U2SURP: variants seen among roughly 807,000 people sequenced by gnomAD.
U2SURP encodes the protein U2 snRNP-associated SURP motif-containing protein.
A neutral mutation model predicts 144.9 loss-of-function variants in U2SURP; 9 were observed. The ratio of observed to expected loss-of-function variants is 0.06; its 90% CI spans 0.04 to 0.11. The LOEUF (loss-of-function observed/expected upper bound fraction) is 0.11. Among genes scored for constraint, U2SURP ranks in the 10% least tolerant of loss-of-function variants. U2SURP has a pLI of 1.00. For missense variants in U2SURP, 724 were observed against 1,226.7 expected, an observed-to-expected ratio of 0.59 and a Z score of 6.12; for synonymous variants, 408 against 396.8, an observed-to-expected ratio of 1.03 and a Z score of -0.33.
intron 27 of U2SURP, among the ~76,000 whole-genome samples, chr3:143,055,992 G>A (rs1299507714): frequency 6.6e-6 from 1 of 152,120 alleles, no homozygotes; most frequent in Non-Finnish European, 1.5e-5. Context: ...GGGGTTATCA[G>A]TCACTTATGG....
At chr3:143,023,713 A>G (rs1035982407) in intron 12 of U2SURP, among the ~76,000 whole-genome samples, 7 of 152,218 alleles carry the variant, frequency 4.6e-5, no homozygotes, top group African/African-American at 1.7e-4. Flanking sequence ...TTCTCAGTGT[A>G]GTACCTATTT....
At chr3:143,020,881 A>G (rs982877822) in intron 8 of U2SURP, among the ~76,000 whole-genome samples, 188 bp downstream of exon 8, 2 of 151,820 alleles carry the variant, frequency 1.3e-5, no homozygotes, top group African/African-American at 2.4e-5. Context: ...TAAGAGATTA[A>G]CAACAATAAG....
At position 143,004,132 on chromosome 3, in the gene U2SURP, T is replaced by G. The variant is rs200107232; in HGVS notation, c.45+2459T>G. 2.1e-4 allele frequency among the ~76,000 whole-genome samples: 32 copies of G among 152,344 alleles called. No homozygotes were observed. The East Asian group carries it at 5.0e-3, about 24-fold the overall frequency. ...CCTCTGGAAAGAACAGATGAGTGGC[T>G]TATATTTTACAATACAGATGGAGTG... On this transcript the variant is annotated intron_variant, in intron 1 of 27. Transcript: ENST00000473835.
chr3:143,004,044 C>T (rs971102279), intron 1 of U2SURP, among the ~76,000 whole-genome samples: 1 of 152,090 alleles, frequency 6.6e-6, no homozygotes, highest in African/African-American at 2.4e-5. Flanking sequence ...ATTGTAAGAT[C>T]ATTTTGGCTA....
chr3:143,012,009 A>G (rs78584924), intron 2 of U2SURP: 11,052 of 674,110 alleles, frequency 0.016, 477 homozygotes, highest in African/African-American at 0.12. Context: ...TGTTACCAAT[A>G]TAAAATTCAA....
chr3:143,005,811 G>A (rs968608536), intron 1 of U2SURP, among the ~76,000 whole-genome samples: 5 of 150,956 alleles, frequency 3.3e-5, no homozygotes, highest in Admixed American at 2.6e-4. Flanking sequence ...TTAGTATGCC[G>A]GTTGAAGTAT....
At chr3:143,050,902 A>T (rs752628425) in intron 24 of U2SURP, 37 bp from the exon 25 acceptor site, 28 of 1,390,334 alleles carry the variant, frequency 2.0e-5, no homozygotes, top group Non-Finnish European at 2.7e-5. Context: ...ATCTAGAATG[A>T]TGAAAATGCT....
intron 23 of U2SURP, among the ~76,000 whole-genome samples, chr3:143,040,990 C>G (rs1036741052): frequency 6.6e-6 from 1 of 151,604 alleles, no homozygotes; most frequent in Admixed American, 6.6e-5. Context: ...TTTACCTGTT[C>G]TGTATTCATC....
At chr3:143,012,032 G>A (rs1264576268) in intron 2 of U2SURP, 190 bp from the exon 3 acceptor site, 3 of 720,510 alleles carry the variant, frequency 4.2e-6, no homozygotes, top group Non-Finnish European at 7.4e-6. Context: ...TTGTGAGTTA[G>A]AGTTATTGAA....
At position 143,021,678 on chromosome 3, in the gene U2SURP, G is replaced by A. The variant is rs920304099; in HGVS notation, c.852+123G>A. On this transcript the variant is annotated intron_variant, in intron 10 of 27. Coordinates refer to ENST00000473835, the MANE Select transcript of U2SURP (RefSeq NM_001080415.2). ...CTGATGGAATTGGATAGTCTTTAGA[G>A]TTGTCTTACTGGTATGGCCCAGGTT... 5.3e-6 allele frequency: 5 copies of A among 949,244 alleles called. No homozygotes were observed. In the Admixed American group the frequency reaches 1.3e-4, roughly 24 times the overall value. 58.8% of individuals were successfully genotyped at this position (949,244 alleles called of 1,614,324 possible).
At chr3:143,053,877 C>G in intron 26 of U2SURP, 83 bp downstream of exon 26, 1 of 1,129,510 alleles carries the variant, frequency 8.9e-7, no homozygotes, top group African/African-American at 1.6e-5. Context: ...CATTGATGCC[C>G]GCAAACTGGA....
intron 17 of U2SURP, 94 bp from the exon 18 acceptor site, chr3:143,033,177 T>C: frequency 1.2e-6 from 1 of 864,414 alleles, no homozygotes; most frequent in Non-Finnish European, 1.8e-6. Context: ...GATACTGAGC[T>C]TCATATAACT....
intron 6 of U2SURP, among the ~76,000 whole-genome samples, chr3:143,019,157 A>C (rs185024346): frequency 1.2e-4 from 18 of 152,228 alleles, no homozygotes; most frequent in African/African-American, 4.1e-4. Context: ...GTTGAATCGT[A>C]AGAGTATTTT....
Position 143,012,265 on chromosome 3 carries a change from C to T in U2SURP, c.134C>T (p.Thr45Ile). Residue 45 changes from threonine (T) to isoleucine (I), a missense_variant, in exon 3 of 28, where the codon ACA (threonine) becomes ATA (isoleucine). By Grantham distance (89) the Thr-to-Ile change is moderately conservative. Coordinates refer to ENST00000473835, the MANE Select transcript of U2SURP (RefSeq NM_001080415.2). The part of the protein sequence containing the change: ...GPSDSDMPSR[T>I]RPKSPRKHNY... ...TCAGATAGTGATATGCCAAGTCGGA[C>T]ACGACCTAAGAGCCCAAGAAAACAT... is the stretch of plus-strand genomic sequence containing the variant. 1 of 1,613,276 alleles carries T rather than the reference C, an allele frequency of 6.2e-7. No individual in the cohort carries two copies. Among genetic ancestry groups the T allele is most frequent in the Non-Finnish European group, 8.5e-7 (1 of 1,179,500 alleles).
At chr3:143,024,152 G>T in intron 13 of U2SURP, 134 bp downstream of exon 13, 2 of 776,124 alleles carry the variant, frequency 2.6e-6, no homozygotes, top group Non-Finnish European at 4.2e-6. Flanking sequence ...TTTGCGGGGG[G>T]ATGTGTGAAA....
chr3:143,056,249 G>A, intron 27 of U2SURP, 63 bp from the exon 28 acceptor site: 3 of 1,510,130 alleles, frequency 2.0e-6, no homozygotes, highest in Non-Finnish European at 2.7e-6. Context: ...GATCGTTTAA[G>A]GATAAACAGT....
intron 24 of U2SURP, 143 bp downstream of exon 24, chr3:143,043,419 C>T: frequency 3.6e-6 from 3 of 843,376 alleles, no homozygotes; most frequent in Non-Finnish European, 5.2e-6. Flanking sequence ...GACTTTTCTT[C>T]AGGCCTCTTA....
At chr3:143,007,442 A>G in intron 1 of U2SURP, among the ~76,000 whole-genome samples, 1 of 112,368 alleles carries the variant, frequency 8.9e-6, no homozygotes, top group African/African-American at 3.9e-5. Context: ...TCCTTTCAAG[A>G]GATTTTTTTT....
At chr3:143,013,995 CT>C (rs1373427669) in intron 3 of U2SURP, among the ~76,000 whole-genome samples, 1 of 152,000 alleles carries the variant, frequency 6.6e-6, no homozygotes, top group African/African-American at 2.4e-5. Context: ...AACATCTGTA[CT>C]TTCCCCCTCA....
Sources: gnomAD v4.1 joint callset for allele counts (sites outside exome capture counted in the v4.1 genomes callset) on GRCh38, gnomAD v4.1.1 for gene constraint, MANE v1.5 for transcripts, NCBI Gene and HGNC (gene_info 2026-07-23, HGNC 2026-07-21) for gene names.